The following CFAP74 variants were observed in gnomAD, a reference collection of about 807,000 sequenced individuals.
The protein encoded by CFAP74 is cilia and flagella associated protein 74.
A neutral mutation model predicts 188.9 loss-of-function variants in CFAP74; 124 were observed. The observed-to-expected ratio is 0.66, with a 90% CI of 0.57 to 0.76. CFAP74 has a LOEUF of 0.76. Ranked by LOEUF, CFAP74 falls within the 30% of genes least tolerant of loss-of-function variation. The probability of loss-of-function intolerance (pLI) is 0.00; values close to 1 mark genes in which losing one functional copy is unlikely to be tolerated. For synonymous variants in CFAP74, 956 were observed against 916.7 expected, an observed-to-expected ratio of 1.04 and a Z score of -0.77; for missense variants, 2,198 against 2,165.2, an observed-to-expected ratio of 1.02 and a Z score of -0.30.
chr1:1,922,494 C>T (rs551669251), intron 38 of CFAP74, 95 bp downstream of exon 38: 154 of 1,548,232 alleles, frequency 9.9e-5, no homozygotes, highest in East Asian at 2.3e-4. Context: ...GGGTCCTCCA[C>T]GGCCACCTCC....
chr1:1,966,704 G>A (rs2102071910), intron 11 of CFAP74, among the ~76,000 whole-genome samples, 178 bp from the exon 12 acceptor site: 1 of 152,328 alleles, frequency 6.6e-6, no homozygotes, highest in South Asian at 2.1e-4. Flanking sequence ...TGAAATATAA[G>A]TATTTTAATA....
chr1:1,970,325 G>C (rs1435231601), intron 10 of CFAP74, among the ~76,000 whole-genome samples: 1 of 152,204 alleles, frequency 6.6e-6, no homozygotes. Context: ...TTCTGGGTGG[G>C]CCAGGAAAGA....
intron 9 of CFAP74, among the ~76,000 whole-genome samples, chr1:1,971,341 G>GTGCACACACC (rs1558043247): frequency 7.6e-4 from 105 of 138,586 alleles, no homozygotes; most frequent in African/African-American, 2.8e-3. Context: ...CTGCACACAC[G>GTGCACACACC]TGCACACACA....
intron 34 of CFAP74, 121 bp downstream of exon 34, chr1:1,924,270 G>A (rs1182271513): frequency 3.3e-5 from 6 of 179,722 alleles, no homozygotes; most frequent in Non-Finnish European, 4.7e-5. Flanking sequence ...TTCACCGCCC[G>A]CAGCCCATCT....
chr1:1,936,227 A>AAAG (rs929390562), intron 25 of CFAP74, among the ~76,000 whole-genome samples: 1 of 147,632 alleles, frequency 6.8e-6, no homozygotes, highest in African/African-American at 2.5e-5. Flanking sequence ...CAAAAAAAAA[A>AAAG]AAAAGAAAAA....
chr1:1,982,277 C>A (rs367793534), intron 6 of CFAP74, among the ~76,000 whole-genome samples: 4 of 87,114 alleles, frequency 4.6e-5, no homozygotes, highest in Non-Finnish European at 5.5e-5. Context: ...GGACACCCAG[C>A]CGTGGTCACA....
chr1:1,925,514 C>T (rs2102029740), intron 33 of CFAP74, among the ~76,000 whole-genome samples: 1 of 151,886 alleles, frequency 6.6e-6, no homozygotes, highest in South Asian at 2.1e-4. Flanking sequence ...TGTGCAGGGG[C>T]TGAGGAGGAG....
At chr1:1,960,145 T>C (rs1654976811) in intron 14 of CFAP74, 115 bp from the exon 15 acceptor site, 3 of 856,912 alleles carry the variant, frequency 3.5e-6, no homozygotes, top group Non-Finnish European at 5.5e-6. Flanking sequence ...ATCCCGGGCC[T>C]GGCCCCCTGC....
chr1:1,985,705 T>C (rs918886233), intron 5 of CFAP74, among the ~76,000 whole-genome samples: 2 of 151,912 alleles, frequency 1.3e-5, no homozygotes. Flanking sequence ...CCAGGGGGAG[T>C]GAGGGCTTGG....
At chr1:1,965,454 A>G (rs1313474646) in intron 12 of CFAP74, among the ~76,000 whole-genome samples, 12 of 152,224 alleles carry the variant, frequency 7.9e-5, no homozygotes, top group Admixed American at 3.9e-4. Flanking sequence ...TCGAGCGGGC[A>G]GTGTCAGCAC....
chr1:1,929,846 AC>A (rs1365044224), intron 26 of CFAP74, among the ~76,000 whole-genome samples: 1 of 146,768 alleles, frequency 6.8e-6, no homozygotes, highest in Non-Finnish European at 1.5e-5. Context: ...GGGCACTGTG[AC>A]CCCCCCCGAT....
At chr1:1,967,390 A>G (rs1432117415) in intron 11 of CFAP74, among the ~76,000 whole-genome samples, 2 of 140,480 alleles carry the variant, frequency 1.4e-5, no homozygotes, top group African/African-American at 2.6e-5. Flanking sequence ...TGTGACCTGT[A>G]TAGTGCCACA....
chr1:2,003,325 G>T (rs1310882644), intron 1 of CFAP74, among the ~76,000 whole-genome samples: 3 of 152,072 alleles, frequency 2.0e-5, no homozygotes, highest in African/African-American at 7.2e-5. Flanking sequence ...CCAAAACTAG[G>T]TTATACATAC....
chr1:1,990,933 G>C lies in CFAP74; in HGVS notation c.24C>G (p.Leu8=). 6.2e-7 allele frequency: 1 copy of C among 1,613,092 alleles called. No individual in the cohort carries two copies. Among genetic ancestry groups the C allele is most frequent in the African/African-American group, 1.3e-5 (1 of 75,028 alleles). The change falls in exon 2 of 39, where the codon CTC becomes CTG. Residue 8 remains leucine (L), a synonymous_variant. Coordinates refer to ENST00000682832, the MANE Select transcript of CFAP74 (RefSeq NM_001304360.2). ...CATCGGCCAAAAGCTCGTCCTCAGG[G>C]AGCAGGCTGCCGTCATCCTCCATGC... The part of the protein sequence containing the change: MEDDGSL[L]PEDELLADAL...
chr1:1,977,684 G>A (rs1656539071), intron 6 of CFAP74, among the ~76,000 whole-genome samples: 1 of 152,162 alleles, frequency 6.6e-6, no homozygotes, highest in Admixed American at 6.5e-5. Flanking sequence ...ATGTGGACAT[G>A]CCACCAGCTC....
chr1:1,945,731 G>A (rs1458180460), intron 20 of CFAP74, among the ~76,000 whole-genome samples: 2 of 152,030 alleles, frequency 1.3e-5, no homozygotes, highest in Admixed American at 6.5e-5. Context: ...GAGAGGTTGA[G>A]GCAGGAGGAT....
intron 17 of CFAP74, 113 bp from the exon 18 acceptor site, chr1:1,955,963 G>A: frequency 6.9e-7 from 1 of 1,453,076 alleles, no homozygotes; most frequent in Non-Finnish European, 9.0e-7. Flanking sequence ...CCTGGCTCCA[G>A]CGTGGCCCCT....
At chr1:1,985,941 G>T (rs540154331) in intron 5 of CFAP74, among the ~76,000 whole-genome samples, 2 of 152,250 alleles carry the variant, frequency 1.3e-5, no homozygotes, top group Admixed American at 1.3e-4. Flanking sequence ...CTTCCCGGGC[G>T]GTGGGCGGTT....
intron 22 of CFAP74, among the ~76,000 whole-genome samples, chr1:1,941,734 T>A (rs1029251723): frequency 6.6e-6 from 1 of 152,188 alleles, no homozygotes; most frequent in African/African-American, 2.4e-5. Flanking sequence ...CGGCCATGCA[T>A]GGGAGACACG....
Sources: allele counts gnomAD v4.1 joint callset (sites outside exome capture counted in the v4.1 genomes callset), GRCh38; gene constraint gnomAD v4.1.1; transcripts MANE v1.5; gene names NCBI Gene and HGNC (gene_info 2026-07-23, HGNC 2026-07-21).